The following BRAT1 variants were observed in gnomAD, a reference collection of about 807,000 sequenced individuals.
BRAT1 encodes the protein integrator complex assembly factor BRAT1.
BRAT1 carries 74 observed loss-of-function variants against 70.6 expected under a neutral mutation model. That is an observed-to-expected ratio of 1.05 (90% confidence interval 0.87 to 1.27). The LOEUF (loss-of-function observed/expected upper bound fraction) is 1.27. Ranked by LOEUF, BRAT1 falls within the 50% of genes most tolerant of loss-of-function variation. The pLI, the probability that BRAT1 is intolerant of heterozygous loss-of-function variation, is 0.00. For synonymous variants in BRAT1, 615 were observed against 517.1 expected (o/e 1.19, Z -2.57); for missense variants, 1,203 against 1,098.2 (o/e 1.10, Z -1.35).
Position 2,552,935 on chromosome 7 carries a change from G to A in BRAT1, c.127+1370C>T, listed in dbSNP as rs183010423. Reference sequence around the variant, plus strand: ...TTTTTTTTGTATTTTTAGTAGAGACGGGGTTTCACCATGTTAGCCAGGAGG... The same window carrying A: ...TTTTTTTTGTATTTTTAGTAGAGACAGGGTTTCACCATGTTAGCCAGGAGG... On this transcript the variant is annotated intron_variant, in intron 2 of 13. Transcript: ENST00000340611. Among the ~76,000 whole-genome samples the A allele has an allele frequency of 4.4e-3, 666 of 151,164 alleles. 2 individuals are homozygous for A. Among genetic ancestry groups the A allele is most frequent in the Non-Finnish European group, 6.8e-3 (464 of 67,770 alleles).
chr7:2,543,104 G>T lies in BRAT1; in HGVS notation c.923+100C>A, dbSNP rs956339582. ...CCGCACGGCCGCCTGACTGTCCCTG[G>T]TGTCCGGAACTCCCCTGCCATGAGG... On this transcript the variant is annotated intron_variant, in intron 6 of 13. Transcript: ENST00000340611. The surrounding 1 kb of genome is among the most constrained non-coding windows in gnomAD (Gnocchi z 5.5). 16 of 1,415,372 alleles carry T rather than the reference G, an allele frequency of 1.1e-5. No individual in the cohort carries two copies. The highest frequency in any genetic ancestry group is 1.5e-5 in the African/African-American group (1 of 68,078). 87.7% of individuals were successfully genotyped at this position (1,415,372 alleles called of 1,614,324 possible).
chr7:2,544,813 C>G (rs576141371), intron 4 of BRAT1, 96 bp downstream of exon 4: 1 of 1,482,322 alleles, frequency 6.7e-7, no homozygotes, highest in African/African-American at 1.4e-5. Context: ...CCTGAGACAT[C>G]GCACAGACCA....
At chr7:2,540,726 G>A (rs963118280) in intron 10 of BRAT1, 12 of 411,258 alleles carry the variant, frequency 2.9e-5, no homozygotes, top group Admixed American at 1.8e-4. Flanking sequence ...AGAATTCCCC[G>A]CAGGCCGCCT....
chr7:2,542,747 T>A (rs61673178), intron 6 of BRAT1: 74,982 of 171,096 alleles, frequency 0.44, 18,282 homozygotes, highest in African/African-American at 0.67. Flanking sequence ...TCCACCCCTA[T>A]TGTGAGCCCA....
chr7:2,541,632 C>T, intron 8 of BRAT1, 86 bp downstream of exon 8: 1 of 1,473,822 alleles, frequency 6.8e-7, no homozygotes, highest in Admixed American at 2.1e-5. Context: ...GCTGGGGCAG[C>T]AAGGGGTGGG....
In BRAT1 at chr7:2,539,184, G is replaced by C; in HGVS notation, c.1765C>G (p.Arg589Gly). 1 of 1,597,706 alleles carries C rather than the reference G, an allele frequency of 6.3e-7. No individual in the cohort carries two copies. The highest frequency in any genetic ancestry group is 8.5e-7 in the Non-Finnish European group (1 of 1,170,284). Residue 589 changes from arginine (R) to glycine (G), a missense_variant, in exon 13 of 14, where the codon CGG becomes GGG. Coordinates refer to ENST00000340611, the MANE Select transcript of BRAT1 (RefSeq NM_152743.4). ...AGGAACCTGCCACCTCCTACCTGCCGGGCCTCTGCATGCTCAGGGCTGGTG... is the reference window on the plus strand; with the variant it reads ...AGGAACCTGCCACCTCCTACCTGCCCGGCCTCTGCATGCTCAGGGCTGGTG... ...APTSPEHAEA[R>G]QSLFLELLHI...
intron 3 of BRAT1, among the ~76,000 whole-genome samples, chr7:2,545,493 C>CTTTT (rs1260051801): frequency 4.6e-5 from 5 of 107,576 alleles, no homozygotes; most frequent in African/African-American, 2.4e-4. Flanking sequence ...ACACTTTCTT[C>CTTTT]TTCTTTTTTT....
intron 3 of BRAT1, among the ~76,000 whole-genome samples, chr7:2,545,897 T>G (rs959360430): frequency 5.9e-5 from 9 of 152,168 alleles, no homozygotes; most frequent in African/African-American, 2.2e-4. Context: ...AGATGGTGCC[T>G]GGGTGGGCTG....
intron 7 of BRAT1, 139 bp downstream of exon 7, chr7:2,541,981 G>T: frequency 1.7e-6 from 2 of 1,199,576 alleles, no homozygotes; most frequent in Non-Finnish European, 2.3e-6. Flanking sequence ...CATGTCCCCG[G>T]TCCCCTTTGC....
At chr7:2,538,957 G>A in intron 13 of BRAT1, 193 bp from the exon 14 acceptor site, 2 of 1,446,888 alleles carry the variant, frequency 1.4e-6, no homozygotes, top group African/African-American at 1.4e-5. Flanking sequence ...GTCAAATGGA[G>A]GTAACCATGT....
intron 2 of BRAT1, among the ~76,000 whole-genome samples, chr7:2,548,981 C>T (rs1162958610): frequency 6.6e-6 from 1 of 151,986 alleles, no homozygotes; most frequent in Non-Finnish European, 1.5e-5. Context: ...AACAAACAAA[C>T]AAACAAAAAA....
chr7:2,542,465 G>GC (rs1779251341), intron 6 of BRAT1: 1 of 549,826 alleles, frequency 1.8e-6, no homozygotes, highest in Non-Finnish European at 3.3e-6. Flanking sequence ...GGAGGGCCTG[G>GC]CCATGCACCC....
chr7:2,543,149 T>C lies in BRAT1; in HGVS notation c.923+55A>G. The stretch of plus-strand genomic sequence containing the variant: ...ATGAGGGCTGCGCTCTCAACCTCCC[T>C]GCCTGCCCCAGCTCCCAGCACCCGC... On this transcript the variant is annotated intron_variant, in intron 6 of 13. Coordinates refer to ENST00000340611, the MANE Select transcript of BRAT1 (RefSeq NM_152743.4). The surrounding 1 kb of genome is among the most constrained non-coding windows in gnomAD (Gnocchi z 5.5). The C allele has an allele frequency of 4.0e-6, 6 of 1,501,914 alleles. No homozygotes were observed. The highest frequency in any genetic ancestry group is 4.4e-6 in the Non-Finnish European group (5 of 1,124,344). The allele number at this position is 1,501,914 out of a possible 1,614,324, so 93.0% of individuals were successfully genotyped here.
In BRAT1 at chr7:2,538,221, C is replaced by T. The variant is rs759775503; in HGVS notation, c.2314G>A (p.Val772Met). The T allele has an allele frequency of 6.2e-7, 1 of 1,609,494 alleles. No homozygotes were observed. Among genetic ancestry groups the T allele is most frequent in the Non-Finnish European group, 8.5e-7 (1 of 1,178,290 alleles). The change falls in exon 14 of 14, where the codon GTG (valine) becomes ATG (methionine). Residue 772 changes from valine (V) to methionine (M), a missense_variant. Transcript: ENST00000340611. ...QPPGDQEPEAVLAMLRSLDLE... is the reference protein window; with the variant it reads ...QPPGDQEPEAMLAMLRSLDLE... ...TCTAGGGACCTGAGCATGGCCAGCA[C>T]AGCCTCAGGCTCCTGGTCCCCTGGG... is the stretch of plus-strand genomic sequence containing the variant.
rs1297433298 is a variant in BRAT1, at chr7:2,541,729, G to A, written c.1123C>T (p.Leu375=). Residue 375 remains leucine (L), a synonymous_variant, in exon 8 of 14, where the codon CTG becomes TTG. Transcript: ENST00000340611. ...LCRTLAHLEE[L]QPLPQRPSPW... is the part of the protein sequence containing the mutation. ...CGGGCCGCACCTACCAGCGGCTGCA[G>A]CTCCTCCAGGTGAGCCAGGGTGCGG... The A allele has an allele frequency of 3.7e-5, 59 of 1,608,608 alleles. No homozygotes were observed. Among genetic ancestry groups the A allele is most frequent in the Non-Finnish European group, 5.0e-5 (59 of 1,178,664 alleles).
chr7:2,551,673 CT>C (rs1780016423), intron 2 of BRAT1, among the ~76,000 whole-genome samples: 1 of 149,422 alleles, frequency 6.7e-6, no homozygotes, highest in East Asian at 1.9e-4. Context: ...CGCAAAAACC[CT>C]GGCTCAAAAA....
In BRAT1 at chr7:2,538,150, C is replaced by T; in HGVS notation, c.2385G>A (p.Val795=). The T allele has an allele frequency of 6.2e-7, 1 of 1,608,948 alleles. No individual in the cohort carries two copies. Residue 795 remains valine (V), a synonymous_variant, in exon 14 of 14, where the codon GTG becomes GTA. Transcript: ENST00000340611. ...GCAGGAGGGACTGGGGACTCTTTTC[C>T]ACGTGGTCGCTGCTCTCGGCCAGCG... is the stretch of plus-strand genomic sequence containing the variant. ...RSTLAESSDH[V]EKSPQSLLQD...
chr7:2,540,832 G>T, intron 10 of BRAT1, 147 bp downstream of exon 10: 1 of 841,486 alleles, frequency 1.2e-6, no homozygotes, highest in Non-Finnish European at 1.7e-6. Context: ...GCAGCCACCT[G>T]CATCGTGAAG....
At chr7:2,538,868 C>G (rs551312796) in intron 13 of BRAT1, 104 bp from the exon 14 acceptor site, 36 of 1,524,042 alleles carry the variant, frequency 2.4e-5, no homozygotes, top group Non-Finnish European at 3.1e-5. Context: ...GACATGCAGT[C>G]TAGGGCCACA....
Sources: allele counts gnomAD v4.1 joint callset (sites outside exome capture counted in the v4.1 genomes callset), GRCh38; gene constraint gnomAD v4.1.1; non-coding constraint Gnocchi (gnomAD v3.1); transcripts MANE v1.5; gene names NCBI Gene and HGNC (gene_info 2026-07-23, HGNC 2026-07-21).